VDAC1: variants seen among roughly 807,000 people sequenced by gnomAD.
The protein encoded by VDAC1 is voltage dependent anion channel 1.
In VDAC1, 10 loss-of-function variants were observed where a neutral mutation model predicts 34.7. The ratio of observed to expected loss-of-function variants is 0.29; its 90% confidence interval spans 0.18 to 0.49. The LOEUF is 0.49. Among genes scored for constraint, VDAC1 ranks in the 20% least tolerant of loss-of-function variants. The pLI is 0.99. For synonymous variants in VDAC1, 130 were observed against 136.0 expected (o/e 0.96, Z 0.30); for missense variants, 230 against 347.9 (o/e 0.66, Z 2.69).
chr5:134,045,439 G>T, the VDAC1 span, among the ~76,000 whole-genome samples: 2 of 152,160 alleles, frequency 1.3e-5, no homozygotes, highest in African/African-American at 2.4e-5. Flanking sequence ...CATTCTGGAG[G>T]CTTTAGGGAA....
At chr5:134,089,312 T>C in the VDAC1 span, among the ~76,000 whole-genome samples, 1 of 152,222 alleles carries the variant, frequency 6.6e-6, no homozygotes, top group Non-Finnish European at 1.5e-5. Context: ...CGAAACCAGC[T>C]GGGCACTGGG....
the VDAC1 span, among the ~76,000 whole-genome samples, chr5:134,056,716 G>A: frequency 2.6e-5 from 4 of 152,020 alleles, no homozygotes; most frequent in African/African-American, 7.2e-5. Context: ...ACGGAGTTTC[G>A]CTCTTTTTGC....
the VDAC1 span, among the ~76,000 whole-genome samples, chr5:134,060,812 A>G: frequency 6.6e-6 from 1 of 151,434 alleles, no homozygotes; most frequent in African/African-American, 2.4e-5. Context: ...GGAAACATTC[A>G]ACAAATGAAA....
chr5:134,018,722 T>C, the VDAC1 span, among the ~76,000 whole-genome samples: 3 of 152,130 alleles, frequency 2.0e-5, no homozygotes, highest in Non-Finnish European at 4.4e-5. Flanking sequence ...ACAATGTGAT[T>C]TAGGGTGGGG....
chr5:134,073,297 A>G, the VDAC1 span, among the ~76,000 whole-genome samples: 22,495 of 152,196 alleles, frequency 0.15, 2,734 homozygotes, highest in African/African-American at 0.34. Flanking sequence ...CTGAGGCAGC[A>G]ATTCCCAAAG....
the VDAC1 span, among the ~76,000 whole-genome samples, chr5:134,103,051 G>A: frequency 1.3e-5 from 2 of 152,108 alleles, no homozygotes; most frequent in Admixed American, 6.5e-5. Context: ...TCTGAGGGCC[G>A]GCTCAGCTCA....
At chr5:134,048,949 T>C in the VDAC1 span, among the ~76,000 whole-genome samples, 1 of 152,234 alleles carries the variant, frequency 6.6e-6, no homozygotes, top group African/African-American at 2.4e-5. Context: ...AATGTTTCTA[T>C]GTTACACAAA....
At chr5:134,105,739 T>C in the VDAC1 span, among the ~76,000 whole-genome samples, 1 of 152,208 alleles carries the variant, frequency 6.6e-6, no homozygotes, top group East Asian at 1.9e-4. Flanking sequence ...CTCCTGTGCC[T>C]TGCTCCTGGA....
At chr5:134,092,748 A>C in the VDAC1 span, among the ~76,000 whole-genome samples, 2 of 152,196 alleles carry the variant, frequency 1.3e-5, no homozygotes, top group Admixed American at 6.5e-5. Context: ...CACTGGTGTC[A>C]GATTACCCCA....
intron 6 of VDAC1, among the ~76,000 whole-genome samples, chr5:133,976,977 GAGGT>G: frequency 6.6e-6 from 1 of 152,356 alleles, no homozygotes; most frequent in East Asian, 1.9e-4. Flanking sequence ...CCAGGAGGCA[GAGGT>G]TGCAGTGAGC....
chr5:133,977,838 T>C (rs1341724659), intron 6 of VDAC1, among the ~76,000 whole-genome samples: 1 of 152,196 alleles, frequency 6.6e-6, no homozygotes, highest in Non-Finnish European at 1.5e-5. Flanking sequence ...CCATCTGTAC[T>C]GTTTGATTTT....
At chr5:134,051,685 CTTTGTT>C in the VDAC1 span, among the ~76,000 whole-genome samples, 2 of 123,402 alleles carry the variant, frequency 1.6e-5, no homozygotes, top group Admixed American at 8.5e-5. Context: ...TTTTTTTTGG[CTTTGTT>C]TTTGTTTTTG....
intron 5 of VDAC1, among the ~76,000 whole-genome samples, chr5:133,981,608 T>C (rs1752702969): frequency 6.6e-6 from 1 of 152,204 alleles, no homozygotes; most frequent in Non-Finnish European, 1.5e-5. Context: ...AGGTCCAACC[T>C]GATGATACCA....
chr5:134,049,951 T>C, the VDAC1 span, among the ~76,000 whole-genome samples: 492 of 152,230 alleles, frequency 3.2e-3, 5 homozygotes, highest in Non-Finnish European at 5.6e-3. Context: ...GAAATTTAGA[T>C]GTACTAAATC....
the VDAC1 span, among the ~76,000 whole-genome samples, chr5:134,026,357 T>C: frequency 6.6e-6 from 1 of 151,066 alleles, no homozygotes; most frequent in Non-Finnish European, 1.5e-5. Context: ...CTACTGAAAA[T>C]ACAAAAAATT....
the VDAC1 span, among the ~76,000 whole-genome samples, chr5:134,052,712 G>A: frequency 6.6e-6 from 1 of 152,194 alleles, no homozygotes; most frequent in African/African-American, 2.4e-5. Context: ...CACTTCCTGA[G>A]CACTGCCATG....
chr5:134,013,678 C>T, the VDAC1 span, among the ~76,000 whole-genome samples: 1 of 152,204 alleles, frequency 6.6e-6, no homozygotes, highest in Non-Finnish European at 1.5e-5. Context: ...CACGGTGGCT[C>T]ACACCTGTAA....
the VDAC1 span, among the ~76,000 whole-genome samples, chr5:134,060,880 CTTTTT>C: frequency 2.0e-5 from 2 of 98,678 alleles, 1 homozygote; most frequent in East Asian, 6.8e-4. Flanking sequence ...TCTTCTTCTT[CTTTTT>C]TTTTTTTTTT....
chr5:133,999,898 C>T (rs897920587), intron 1 of VDAC1, among the ~76,000 whole-genome samples: 3 of 152,186 alleles, frequency 2.0e-5, no homozygotes, highest in South Asian at 2.1e-4. Flanking sequence ...AAGTCTCTGG[C>T]CCCGCTGTTT....
Sources: gnomAD v4.1 joint callset for allele counts (sites outside exome capture counted in the v4.1 genomes callset) on GRCh38, gnomAD v4.1.1 for gene constraint, MANE v1.5 for transcripts, NCBI Gene and HGNC (gene_info 2026-07-23, HGNC 2026-07-21) for gene names.